Variants in ARHGAP8 observed in about 807,000 individuals in gnomAD.
The protein encoded by ARHGAP8 is Rho GTPase activating protein 8.
Under a neutral mutation model 46.1 loss-of-function variants are expected in ARHGAP8, and 62 were observed. The ratio of observed to expected loss-of-function variants is 1.34; its 90% CI spans 1.10 to 1.66. The LOEUF is 1.66. Ranked by LOEUF, ARHGAP8 falls within the 40% of genes most tolerant of loss-of-function variation. The probability of loss-of-function intolerance (pLI) is 0.00; values close to 1 mark genes in which losing one functional copy is unlikely to be tolerated. For missense variants in ARHGAP8, 923 were observed against 568.4 expected (o/e 1.62, Z -6.34); for synonymous variants, 375 against 243.1 (o/e 1.54, Z -5.05).
intron 8 of ARHGAP8, among the ~76,000 whole-genome samples, chr22:44,846,412 C>T (rs564931667): frequency 2.0e-5 from 3 of 152,288 alleles, no homozygotes; most frequent in Non-Finnish European, 2.9e-5. Context: ...TGCTTTGGCA[C>T]GAGAGTCCAT....
At chr22:44,759,995 C>T (rs1925004915) in intron 1 of ARHGAP8, among the ~76,000 whole-genome samples, 1 of 152,124 alleles carries the variant, frequency 6.6e-6, no homozygotes, top group African/African-American at 2.4e-5. Flanking sequence ...AGGGGGTGAC[C>T]CCAGCAGCCC....
intron 4 of ARHGAP8, among the ~76,000 whole-genome samples, chr22:44,810,170 C>G (rs1203420483): frequency 6.6e-6 from 1 of 151,480 alleles, no homozygotes; most frequent in Admixed American, 6.6e-5. Context: ...GCCTCCTGCA[C>G]TAGGCTGTGA....
intron 5 of ARHGAP8, among the ~76,000 whole-genome samples, chr22:44,818,521 C>T (rs1203472638): frequency 6.6e-6 from 1 of 151,986 alleles, no homozygotes; most frequent in Non-Finnish European, 1.5e-5. Context: ...CACCAGACTG[C>T]CTGGGCTCGA....
At chr22:44,831,023 C>G (rs1187333044) in intron 7 of ARHGAP8, among the ~76,000 whole-genome samples, 2 of 152,192 alleles carry the variant, frequency 1.3e-5, no homozygotes, top group East Asian at 3.8e-4. Context: ...TTTGGACCGT[C>G]TTTTCATTGT....
chr22:44,839,204 A>G (rs1369077121), intron 7 of ARHGAP8, among the ~76,000 whole-genome samples: 1 of 152,114 alleles, frequency 6.6e-6, no homozygotes, highest in East Asian at 1.9e-4. Flanking sequence ...CAGAGAGGAA[A>G]CCAAGATGGG....
intron 3 of ARHGAP8, among the ~76,000 whole-genome samples, chr22:44,807,957 G>A (rs955701337): frequency 9.2e-5 from 14 of 152,208 alleles, no homozygotes; most frequent in African/African-American, 3.1e-4. Context: ...AGTCCAGGAT[G>A]AGCCCCTCCT....
At chr22:44,820,263 C>T (rs900646316) in intron 5 of ARHGAP8, among the ~76,000 whole-genome samples, 11 of 152,140 alleles carry the variant, frequency 7.2e-5, no homozygotes, top group African/African-American at 1.4e-4. Context: ...TCCCAGAGTC[C>T]GTGTTTGGCA....
chr22:44,753,210 A>G (rs1602129382), intron 1 of ARHGAP8, among the ~76,000 whole-genome samples: 4 of 147,890 alleles, frequency 2.7e-5, no homozygotes, highest in African/African-American at 1.0e-4. Context: ...ACCCCCCGGG[A>G]GTTAAAAGCA....
At chr22:44,861,010 CAA>C (rs143581372) in intron 11 of ARHGAP8, among the ~76,000 whole-genome samples, 1 of 152,000 alleles carries the variant, frequency 6.6e-6, no homozygotes, top group East Asian at 1.9e-4. Flanking sequence ...CTAATTCTCT[CAA>C]AAAAATTTTT....
chr22:44,770,186 G>A (rs1240222829), intron 1 of ARHGAP8, among the ~76,000 whole-genome samples: 3 of 152,098 alleles, frequency 2.0e-5, no homozygotes, highest in South Asian at 2.1e-4. Context: ...GGAGGTTACC[G>A]TGAGCCAAGA....
intron 2 of ARHGAP8, among the ~76,000 whole-genome samples, chr22:44,787,855 T>C (rs1225645701): frequency 6.6e-6 from 1 of 150,664 alleles, no homozygotes; most frequent in East Asian, 1.9e-4. Flanking sequence ...GCACACTGTG[T>C]ACAGGAGGGA....
At chr22:44,792,722 G>T (rs1464417395) in intron 2 of ARHGAP8, among the ~76,000 whole-genome samples, 2 of 152,068 alleles carry the variant, frequency 1.3e-5, no homozygotes, top group Non-Finnish European at 2.9e-5. Context: ...AATTTTGAAT[G>T]ATCTCTCCCT....
At position 44,843,662 on chromosome 22, in the gene ARHGAP8, C is replaced by G. The variant is rs545944933; in HGVS notation, c.597-1607C>G. Among the ~76,000 whole-genome samples, 8 of 151,938 alleles carry G rather than the reference C, an allele frequency of 5.3e-5. No homozygotes were observed. In the South Asian group the frequency reaches 1.7e-3, roughly 32 times the overall value. ...TGGACAACATGACAAAACCCTGTCTCTACAAAAAATTAACTGGCATGGCAT... is the reference window on the plus strand; with the variant it reads ...TGGACAACATGACAAAACCCTGTCTGTACAAAAAATTAACTGGCATGGCAT... On this transcript the variant is annotated intron_variant, in intron 7 of 11. Coordinates refer to ENST00000356099, the MANE Select transcript of ARHGAP8 (RefSeq NM_181335.3).
At chr22:44,859,868 C>A in intron 11 of ARHGAP8, 34 bp downstream of exon 11, 2 of 1,606,154 alleles carry the variant, frequency 1.2e-6, no homozygotes, top group Non-Finnish European at 1.7e-6. Context: ...GGGGTGAAGC[C>A]CAGTGGCCTT....
chr22:44,855,918 A>G (rs907092845), intron 10 of ARHGAP8, among the ~76,000 whole-genome samples: 1 of 152,200 alleles, frequency 6.6e-6, no homozygotes, highest in Non-Finnish European at 1.5e-5. Context: ...CGGTGTTGGC[A>G]TCTGCTTGGC....
chr22:44,808,121 C>T lies in ARHGAP8; in HGVS notation c.168-186C>T, dbSNP rs79133550. 2.1e-3 allele frequency among the ~76,000 whole-genome samples: 316 copies of T among 152,348 alleles called. 1 individual carries two copies. The highest frequency in any genetic ancestry group is 7.1e-3 in the African/African-American group (296 of 41,576). The stretch of plus-strand genomic sequence containing the variant: ...TAGCTGTGTGACTTTAGATAAGTCA[C>T]TTAACGTCTCTGAGCCTCAGATGTC... On this transcript the variant is annotated intron_variant, in intron 3 of 11. Coordinates refer to ENST00000356099, the MANE Select transcript of ARHGAP8 (RefSeq NM_181335.3).
intron 1 of ARHGAP8, among the ~76,000 whole-genome samples, chr22:44,758,896 C>T (rs79040122): frequency 1.7e-4 from 26 of 152,274 alleles, no homozygotes; most frequent in African/African-American, 5.8e-4. Flanking sequence ...GGAGAGAGGT[C>T]GGTCCTGAGA....
intron 10 of ARHGAP8, among the ~76,000 whole-genome samples, chr22:44,858,532 G>GTTTTTTTTT (rs1569184837): frequency 2.4e-4 from 3 of 12,668 alleles, no homozygotes; most frequent in South Asian, 2.4e-3. Context: ...ACCATACCCG[G>GTTTTTTTTT]CTTTTTTTTT....
At chr22:44,784,040 A>T (rs1602169512) in intron 1 of ARHGAP8, among the ~76,000 whole-genome samples, 1 of 152,278 alleles carries the variant, frequency 6.6e-6, no homozygotes, top group Non-Finnish European at 1.5e-5. Context: ...CATAATACAT[A>T]AAAAATACAA....
Sources: gnomAD v4.1 joint callset for allele counts (sites outside exome capture counted in the v4.1 genomes callset) on GRCh38, gnomAD v4.1.1 for gene constraint, MANE v1.5 for transcripts, NCBI Gene and HGNC (gene_info 2026-07-23, HGNC 2026-07-21) for gene names.